The following FGR variants were observed in gnomAD, a reference collection of about 807,000 sequenced individuals.
The protein encoded by FGR is FGR proto-oncogene, Src family tyrosine kinase.
A neutral mutation model predicts 63.2 loss-of-function variants in FGR; 26 were observed. That is an observed-to-expected ratio of 0.41 (90% confidence interval 0.30 to 0.57). The LOEUF (loss-of-function observed/expected upper bound fraction) is 0.57. FGR is among the 20% of genes least tolerant of loss of function. The probability of loss-of-function intolerance (pLI) is 0.27; values close to 1 mark genes in which losing one functional copy is unlikely to be tolerated. For missense variants in FGR, 511 were observed against 690.8 expected, an observed-to-expected ratio of 0.74 and a Z score of 2.92; for synonymous variants, 286 against 277.7, an observed-to-expected ratio of 1.03 and a Z score of -0.30.
intron 1 of FGR, among the ~76,000 whole-genome samples, chr1:27,633,479 G>C (rs1008158071): frequency 1.3e-5 from 2 of 152,214 alleles, no homozygotes; most frequent in African/African-American, 2.4e-5. Flanking sequence ...GCTCTCATCA[G>C]AGCCATAAAC....
intron 1 of FGR, among the ~76,000 whole-genome samples, chr1:27,629,813 T>G (rs2090079026): frequency 6.6e-6 from 1 of 152,218 alleles, no homozygotes; most frequent in Non-Finnish European, 1.5e-5. Context: ...ATGAAGAAAC[T>G]GAGGCACAGA....
chr1:27,630,918 A>G (rs1232301930), intron 1 of FGR, among the ~76,000 whole-genome samples: 2 of 152,142 alleles, frequency 1.3e-5, no homozygotes, highest in African/African-American at 4.8e-5. Flanking sequence ...CAGTAGCTCT[A>G]TGACCTTGGA....
chr1:27,615,311 T>G lies in FGR; in HGVS notation c.1018+123A>C, dbSNP rs1037537164. 5.3e-5 allele frequency: 61 copies of G among 1,151,652 alleles called. No homozygotes were observed. The highest frequency in any genetic ancestry group is 6.6e-5 in the Non-Finnish European group (53 of 802,970). 71.3% of individuals were successfully genotyped at this position (1,151,652 alleles called of 1,614,324 possible). A position where few individuals can be genotyped will look rare whatever the true frequency, so the allele number is the denominator to read the frequency against. ...CCCTCCAGTCGTTTTACACACCTGGTCCCTTAGTGGGACTCTGCCCATTGT... is the reference window on the plus strand; with the variant it reads ...CCCTCCAGTCGTTTTACACACCTGGGCCCTTAGTGGGACTCTGCCCATTGT... On this transcript the variant is annotated intron_variant, in intron 9 of 12. Transcript: ENST00000374005. The surrounding 1 kb of genome is among the most constrained non-coding windows in gnomAD (Gnocchi z 7.6).
At chr1:27,614,669 A>G in intron 10 of FGR, 86 bp from the exon 11 acceptor site, 1 of 1,513,316 alleles carries the variant, frequency 6.6e-7, no homozygotes, top group Non-Finnish European at 9.0e-7. Flanking sequence ...CCATTTGAAA[A>G]ACCCACTTTC....
Position 27,623,554 on chromosome 1 carries a change from G to A in FGR, c.226+137C>T, listed in dbSNP as rs1293465961. The A allele has an allele frequency of 6.9e-6, 6 of 872,246 alleles. No individual in the cohort carries two copies. The South Asian group carries it at 8.6e-5, about 12-fold the overall frequency. The allele number at this position is 872,246 out of a possible 1,614,324, so 54.0% of individuals were successfully genotyped here. A position where few individuals can be genotyped will look rare whatever the true frequency, so the allele number is the denominator to read the frequency against. On this transcript the variant is annotated intron_variant, in intron 3 of 12. Transcript: ENST00000374005. The stretch of plus-strand genomic sequence containing the variant: ...TGGGAGGGCTGTACAGACTCCCTCA[G>A]CCCATGTGATCTTGAAAGCGGGGTT...
Position 27,617,076 on chromosome 1 carries a change from A to G in FGR, c.533-70T>C. 1.9e-6 allele frequency: 3 copies of G among 1,607,028 alleles called. No individual in the cohort carries two copies. In the Admixed American group the frequency reaches 5.0e-5, roughly 27 times the overall value. ...GTCTGGGAGCTGGGAGAGGCCCGAC[A>G]GCAGCATCCCTAGGACCTGGTCCCA... is the stretch of plus-strand genomic sequence containing the variant. On this transcript the variant is annotated intron_variant, in intron 6 of 12. Transcript: ENST00000374005. This position sits in a 1 kb window ranked among gnomAD's most constrained non-coding sequence, Gnocchi z 4.5.
intron 4 of FGR, among the ~76,000 whole-genome samples, chr1:27,622,206 T>A (rs1343555289): frequency 6.9e-6 from 1 of 144,934 alleles, no homozygotes; most frequent in East Asian, 2.1e-4. Flanking sequence ...CCAGGATCAC[T>A]GGAACCCAGG....
chr1:27,626,383 C>A, intron 1 of FGR: 1 of 395,670 alleles, frequency 2.5e-6, no homozygotes, highest in Non-Finnish European at 4.4e-6. Flanking sequence ...CTCTCTCGAT[C>A]CCCAGTCCAG....
In FGR at chr1:27,633,142, C is replaced by G. The variant is rs528754818; in HGVS notation, c.-77+1923G>C. ...GGAACAGGAAGTAGTCATGAAGCCC[C>G]TAAACCCCACACCCTCCTCCCCGGA... On this transcript the variant is annotated intron_variant, in intron 1 of 12. Coordinates refer to ENST00000374005, the MANE Select transcript of FGR (RefSeq NM_005248.3). Among the ~76,000 whole-genome samples the G allele has an allele frequency of 4.3e-4, 66 of 152,254 alleles. 1 individual carries two copies. Among genetic ancestry groups the G allele is most frequent in the African/African-American group, 1.4e-3 (59 of 41,540 alleles).
intron 11 of FGR, 142 bp downstream of exon 11, chr1:27,614,288 A>G: frequency 1.0e-6 from 1 of 967,892 alleles, no homozygotes; most frequent in East Asian, 2.7e-5. Flanking sequence ...CTGGGATTTG[A>G]GCCCAGAATT....
chr1:27,619,759 C>G (rs375154031), intron 5 of FGR, among the ~76,000 whole-genome samples: 4 of 152,196 alleles, frequency 2.6e-5, no homozygotes, highest in Admixed American at 6.5e-5. Context: ...ACAAGTACCC[C>G]CTAGAACTCA....
intron 3 of FGR, 157 bp downstream of exon 3, chr1:27,623,534 G>GGGCT (rs770229421): frequency 1.8e-4 from 140 of 769,106 alleles, no homozygotes; most frequent in Non-Finnish European, 9.0e-6. Context: ...TCTGATGGGA[G>GGGCT]GGCTGTACAG....
At chr1:27,631,236 C>T (rs1410467386) in intron 1 of FGR, among the ~76,000 whole-genome samples, 13 of 152,176 alleles carry the variant, frequency 8.5e-5, no homozygotes. Context: ...TCATGCTGTT[C>T]CTAACTAGTG....
Position 27,628,932 on chromosome 1 carries a change from C to T in FGR, c.-76-3781G>A, listed in dbSNP as rs562981854. Among the ~76,000 whole-genome samples the T allele has an allele frequency of 5.9e-5, 9 of 152,250 alleles. No homozygotes were observed. In the East Asian group the frequency reaches 9.7e-4, roughly 16 times the overall value. ...CTCTCTGGGGACCAGTATGCTGAGG[C>T]GTCAGGGGATGTAGGGCACAGGGTA... On this transcript the variant is annotated intron_variant, in intron 1 of 12. Coordinates refer to ENST00000374005, the MANE Select transcript of FGR (RefSeq NM_005248.3).
intron 1 of FGR, among the ~76,000 whole-genome samples, chr1:27,630,612 A>G (rs2090092781): frequency 6.6e-6 from 1 of 151,968 alleles, no homozygotes; most frequent in Non-Finnish European, 1.5e-5. Flanking sequence ...ATATCTGCCC[A>G]GATTTTCTCA....
In FGR at chr1:27,614,879, GC is replaced by G. The variant is rs2089773608; in HGVS notation, c.1065del (p.Arg355SerfsTer12). 1 of 1,597,880 alleles carries G rather than the reference GC, an allele frequency of 6.3e-7. No individual in the cohort carries two copies. Among genetic ancestry groups the G allele is most frequent in the African/African-American group, 1.3e-5 (1 of 74,534 alleles). ...GCTGCCATGTCCACCAATTGGGGCAGCCTCAAATCCTGGCCCTCTGGGTTCT... is the reference window on the plus strand; with the variant it reads ...GCTGCCATGTCCACCAATTGGGGCAGCTCAAATCCTGGCCCTCTGGGTTCT... ...FLKNPEGQDL[R>X]LPQLVDMAAQ... is the part of the protein sequence containing the mutation. On this transcript the variant is annotated frameshift_variant, in exon 10 of 13. Transcript: ENST00000374005. LOFTEE classifies it high-confidence loss of function.
In FGR at chr1:27,616,629, A is replaced by G. The variant is rs572512508; in HGVS notation, c.682+228T>C. The stretch of plus-strand genomic sequence containing the variant: ...CACAAATTGAGGCCTTGAGGCAAGA[A>G]ACTGGCCAATGCCTTGCTCAGTCAT... On this transcript the variant is annotated intron_variant, in intron 7 of 12. Transcript: ENST00000374005. This position sits in a 1 kb window ranked among gnomAD's most constrained non-coding sequence, Gnocchi z 4.3. 1.3e-5 allele frequency among the ~76,000 whole-genome samples: 2 copies of G among 152,366 alleles called. No homozygotes were observed. Among genetic ancestry groups the G allele is most frequent in the East Asian group, 3.9e-4 (2 of 5,184 alleles).
rs570401549 is a variant in FGR at position 27,616,960 on chromosome 1, A to G, written c.579T>C (p.Asp193=). The G allele has an allele frequency of 8.1e-6, 13 of 1,614,100 alleles. No individual in the cohort carries two copies. In the Admixed American group the frequency reaches 1.2e-4, roughly 14 times the overall value. ...TGCGGATCTTGTAATGCTTCACATG[A>G]TCGCCTCTGGTCTGATCCCAGTCCC... is the stretch of plus-strand genomic sequence containing the variant. ...SIRDWDQTRG[D]HVKHYKIRKL... Residue 193 remains aspartate (D), a synonymous_variant, in exon 7 of 13, where the codon GAT becomes GAC. Coordinates refer to ENST00000374005, the MANE Select transcript of FGR (RefSeq NM_005248.3). The surrounding 1 kb of genome is among the most constrained non-coding windows in gnomAD (Gnocchi z 4.3).
chr1:27,623,997 T>G (rs976212550), intron 2 of FGR, 68 bp from the exon 3 acceptor site: 13 of 1,323,898 alleles, frequency 9.8e-6, no homozygotes, highest in Non-Finnish European at 1.4e-5. Flanking sequence ...CACACGCGCA[T>G]GCACATGCTC....
Sources: allele counts gnomAD v4.1 joint callset (sites outside exome capture counted in the v4.1 genomes callset), GRCh38; gene constraint gnomAD v4.1.1; non-coding constraint Gnocchi (gnomAD v3.1); transcripts MANE v1.5; gene names NCBI Gene and HGNC (gene_info 2026-07-23, HGNC 2026-07-21).